The following RB1 variants were observed in gnomAD, a reference collection of about 807,000 sequenced individuals.
RB1 encodes RB transcriptional corepressor 1.
RB1 carries 18 observed loss-of-function variants against 135.4 expected under a neutral mutation model. That is an observed-to-expected ratio of 0.13 (90% CI 0.09 to 0.20). The LOEUF (loss-of-function observed/expected upper bound fraction) is 0.20. Ranked by LOEUF, RB1 falls within the 10% of genes least tolerant of loss-of-function variation. RB1 has a pLI of 1.00. For synonymous variants in RB1, 365 were observed against 373.2 expected (o/e 0.98, Z 0.25); for missense variants, 868 against 1,110.0 (o/e 0.78, Z 3.10).
At chr13:48,473,338 G>C (rs1244624349) in intron 23 of RB1, 22 bp from the exon 24 acceptor site, 1 of 1,553,194 alleles carries the variant, frequency 6.4e-7, no homozygotes, top group East Asian at 2.3e-5. Flanking sequence ...TTACTAATTG[G>C]TATTTCATCT....
intron 11 of RB1, among the ~76,000 whole-genome samples, chr13:48,370,242 C>T (rs4151506): frequency 1.3e-5 from 2 of 152,222 alleles, no homozygotes; most frequent in Admixed American, 6.5e-5. Context: ...GTCACACCAC[C>T]GACAACAATC....
chr13:48,421,860 A>G (rs1171379870), intron 17 of RB1, among the ~76,000 whole-genome samples: 1 of 152,242 alleles, frequency 6.6e-6, no homozygotes, highest in Non-Finnish European at 1.5e-5. Flanking sequence ...TTAAAACGTC[A>G]GGAAACAACA....
chr13:48,321,568 C>T (rs1952241222), intron 2 of RB1, among the ~76,000 whole-genome samples: 1 of 151,822 alleles, frequency 6.6e-6, no homozygotes, highest in Admixed American at 6.6e-5. Flanking sequence ...TGAAAAATGT[C>T]CGTTTGGCTG....
At chr13:48,408,390 A>T (rs1291701542) in intron 17 of RB1, among the ~76,000 whole-genome samples, 1 of 152,024 alleles carries the variant, frequency 6.6e-6, no homozygotes, top group Non-Finnish European at 1.5e-5. Flanking sequence ...CACCTGAAAA[A>T]TTTTCTCAGC....
intron 4 of RB1, among the ~76,000 whole-genome samples, chr13:48,345,721 C>T (rs1952487323): frequency 6.6e-6 from 1 of 152,110 alleles, no homozygotes; most frequent in Admixed American, 6.6e-5. Flanking sequence ...ACTTCCCTAC[C>T]CCAAATGTTT....
intron 2 of RB1, among the ~76,000 whole-genome samples, chr13:48,308,373 G>C (rs777935837): frequency 1.3e-5 from 2 of 151,802 alleles, no homozygotes; most frequent in East Asian, 3.9e-4. Context: ...TAAAAATAAG[G>C]CTGGGCGTGG....
chr13:48,436,358 T>C (rs555924324), intron 17 of RB1, among the ~76,000 whole-genome samples: 3 of 152,268 alleles, frequency 2.0e-5, no homozygotes, highest in South Asian at 4.1e-4. Flanking sequence ...GTTAAAATCA[T>C]GAGGCCAATT....
intron 17 of RB1, among the ~76,000 whole-genome samples, chr13:48,442,155 C>T (rs184762650): frequency 6.6e-6 from 1 of 152,120 alleles, no homozygotes; most frequent in South Asian, 2.1e-4. Context: ...CTGTTTCTCA[C>T]ATTGTATTAG....
chr13:48,465,543 G>A (rs1013160686), intron 23 of RB1, among the ~76,000 whole-genome samples, 175 bp downstream of exon 23: 11 of 152,180 alleles, frequency 7.2e-5, no homozygotes, highest in South Asian at 2.1e-4. Context: ...ATCTATTTAC[G>A]ACTTAAGCAA....
In RB1 at chr13:48,303,983, C is replaced by T. The variant is rs1285455572; in HGVS notation, c.71C>T (p.Pro24Leu). Residue 24 changes from proline to leucine, a missense_variant, in exon 1 of 27, where the codon CCG becomes CTG. Around this residue, in one of 3 missense-constraint regions of RB1, gnomAD observed 641 missense variants for 791.3 expected, o/e 0.81. Coordinates refer to ENST00000267163, the MANE Select transcript of RB1 (RefSeq NM_000321.3). ...GCCGCCGCGGAACCCCCGGCACCGC[C>T]GCCGCCGCCCCCTCCTGAGGAGGAC... ...AAAAAEPPAP[P>L]PPPPPEEDPE... 6.7e-7 allele frequency: 1 copy of T among 1,499,310 alleles called. No homozygotes were observed. 92.9% of individuals were successfully genotyped at this position (1,499,310 alleles called of 1,614,324 possible).
intron 19 of RB1, among the ~76,000 whole-genome samples, chr13:48,456,575 T>C (rs188119569): frequency 6.6e-6 from 1 of 152,122 alleles, no homozygotes; most frequent in African/African-American, 2.4e-5. Flanking sequence ...GCGCCCTTGA[T>C]CAATTTTTGC....
At chr13:48,365,997 A>G (rs1952692586) in intron 9 of RB1, among the ~76,000 whole-genome samples, 1 of 152,230 alleles carries the variant, frequency 6.6e-6, no homozygotes, top group Non-Finnish European at 1.5e-5. Flanking sequence ...AGTAAGCATT[A>G]CAGATATAGC....
At chr13:48,448,524 G>C (rs1949304911) in intron 17 of RB1, among the ~76,000 whole-genome samples, 2 of 152,108 alleles carry the variant, frequency 1.3e-5, no homozygotes, top group South Asian at 4.1e-4. Context: ...CTGAAAAAGG[G>C]CTGAAAATTG....
rs1593534403 is a variant in RB1, at chr13:48,459,546, A to G, written c.1961-142A>G. 3.3e-5 allele frequency: 27 copies of G among 827,488 alleles called. No homozygotes were observed. In the East Asian group the frequency reaches 7.0e-4, roughly 22 times the overall value. 51.3% of individuals were successfully genotyped at this position (827,488 alleles called of 1,614,324 possible). ...ACCAGTAAACATGTTTCTCTGGGGG[A>G]AAGAAAAGAGTGGTAGAAAAGAGGT... On this transcript the variant is annotated intron_variant, in intron 19 of 26. Coordinates refer to ENST00000267163, the MANE Select transcript of RB1 (RefSeq NM_000321.3).
chr13:48,356,219 A>G (rs1952589811), intron 6 of RB1, among the ~76,000 whole-genome samples: 2 of 152,082 alleles, frequency 1.3e-5, no homozygotes, highest in South Asian at 4.1e-4. Flanking sequence ...AATTTAAAAA[A>G]TTATGTAATT....
At chr13:48,325,208 C>T (rs1952277096) in intron 2 of RB1, among the ~76,000 whole-genome samples, 1 of 152,170 alleles carries the variant, frequency 6.6e-6, no homozygotes. Flanking sequence ...CTAGCTCCTA[C>T]TTATAAGTGA....
chr13:48,453,169 G>T, intron 18 of RB1, 58 bp downstream of exon 18: 1 of 1,472,542 alleles, frequency 6.8e-7, no homozygotes. Context: ...TTAAGCATAA[G>T]TGCAATGTAA....
intron 2 of RB1, among the ~76,000 whole-genome samples, chr13:48,316,383 C>G (rs961936847): frequency 1.3e-5 from 2 of 152,058 alleles, no homozygotes; most frequent in East Asian, 1.9e-4. Context: ...CCTCAGGCTA[C>G]CACTGCAGCC....
intron 17 of RB1, among the ~76,000 whole-genome samples, chr13:48,381,826 C>T (rs1235001793): frequency 6.6e-6 from 1 of 152,114 alleles, no homozygotes; most frequent in Non-Finnish European, 1.5e-5. Flanking sequence ...GATATATCTC[C>T]TAATGCTATC....
Sources: gnomAD v4.1 joint callset for allele counts (sites outside exome capture counted in the v4.1 genomes callset) on GRCh38, gnomAD v4.1.1 for gene constraint, gnomAD v4.1.1 regional missense constraint, MANE v1.5 for transcripts, NCBI Gene and HGNC (gene_info 2026-07-23, HGNC 2026-07-21) for gene names.